RASSF1: variants seen among roughly 807,000 people sequenced by gnomAD.
RASSF1 encodes Ras association domain family member 1.
In RASSF1, 33 loss-of-function variants were observed where a neutral mutation model predicts 34.3. The ratio of observed to expected loss-of-function variants is 0.96; its 90% CI spans 0.73 to 1.29. The LOEUF is 1.29. RASSF1 is among the 50% of genes most tolerant of loss of function. The probability of loss-of-function intolerance (pLI) is 0.00; values close to 1 mark genes in which losing one functional copy is unlikely to be tolerated. For synonymous variants in RASSF1, 191 were observed against 195.0 expected, an observed-to-expected ratio of 0.98 and a Z score of 0.17; for missense variants, 445 against 471.8, an observed-to-expected ratio of 0.94 and a Z score of 0.53.
chr3:50,332,166 G>GT lies in RASSF1; in HGVS notation c.358-13_358-12insA, dbSNP rs755348490. 3.1e-6 allele frequency: 5 copies of GT among 1,612,946 alleles called. No homozygotes were observed. In the South Asian group the frequency reaches 5.5e-5, roughly 18 times the overall value. On this transcript the variant is annotated splice_polypyrimidine_tract_variant and intron_variant, in intron 2 of 5. Coordinates refer to ENST00000359365, the MANE Select transcript of RASSF1 (RefSeq NM_007182.5). ...TCCACAGGCTCGTCCTGCAAGATGG[G>GT]CCAGCATGGACACAGGGCCCTTGAG... is the stretch of plus-strand genomic sequence containing the variant.
At chr3:50,333,720 T>C (rs1466638044) in intron 2 of RASSF1, among the ~76,000 whole-genome samples, 1 of 152,192 alleles carries the variant, frequency 6.6e-6, no homozygotes, top group Admixed American at 6.5e-5. Context: ...CCTCAAGTGA[T>C]CCGCCTGCCT....
Position 50,337,716 on chromosome 3 carries a change from T to C in RASSF1, c.357+189A>G, listed in dbSNP as rs759963229. The C allele has an allele frequency of 4.1e-5, 34 of 832,566 alleles. No individual in the cohort carries two copies. The African/African-American group carries it at 4.2e-4, about 10-fold the overall frequency. The allele number at this position is 832,566 out of a possible 1,614,324, so 51.6% of individuals were successfully genotyped here. ...TGGGCCCGGGTCCGCTTGCAGCGGGTGGAGTACTTGCGGAGCCGGCAATCC... is the reference window on the plus strand; with the variant it reads ...TGGGCCCGGGTCCGCTTGCAGCGGGCGGAGTACTTGCGGAGCCGGCAATCC... On this transcript the variant is annotated intron_variant, in intron 2 of 5. Coordinates refer to ENST00000359365, the MANE Select transcript of RASSF1 (RefSeq NM_007182.5).
In RASSF1 at chr3:50,340,546, C is replaced by T; in HGVS notation, c.250+10G>A. On this transcript the variant is annotated intron_variant, in intron 1 of 5. Coordinates refer to ENST00000359365, the MANE Select transcript of RASSF1 (RefSeq NM_007182.5). ...TTCCGCTCTCGTAGGCGCGCGGGGC[C>T]ACTACTCACGCGCGCACTGCAGGCC... The T allele has an allele frequency of 2.7e-6, 4 of 1,495,984 alleles. No individual in the cohort carries two copies. Among genetic ancestry groups the T allele is most frequent in the Non-Finnish European group, 1.8e-6 (2 of 1,131,884 alleles). The allele number at this position is 1,495,984 out of a possible 1,614,324, so 92.7% of individuals were successfully genotyped here.
intron 2 of RASSF1, among the ~76,000 whole-genome samples, chr3:50,333,885 T>C (rs373618252): frequency 1.4e-3 from 211 of 152,304 alleles, no homozygotes; most frequent in East Asian, 8.3e-3. Flanking sequence ...GAACCGACTT[T>C]CTTCTCCCAG....
chr3:50,330,494 TCCACAGGCC>T lies in RASSF1; in HGVS notation c.*78_*86del. 3.3e-6 allele frequency: 5 copies of T among 1,534,290 alleles called. No homozygotes were observed. The highest frequency in any genetic ancestry group is 3.6e-6 in the Non-Finnish European group (4 of 1,121,614). On this transcript the variant is annotated 3_prime_UTR_variant, in exon 6 of 6. Coordinates refer to ENST00000359365, the MANE Select transcript of RASSF1 (RefSeq NM_007182.5). This position sits in a 1 kb window ranked among gnomAD's most constrained non-coding sequence, Gnocchi z 4.5. The stretch of plus-strand genomic sequence containing the variant: ...CAGGAGGGCCTCCATGCACACTCAT[TCCACAGGCC>T]CCACTGGCCCTGTCACACTCACACG...
Position 50,340,773 on chromosome 3 carries a change from C to T in RASSF1, c.33G>A (p.Arg11=). Residue 11 remains arginine (R), a synonymous_variant, in exon 1 of 6, where the codon CGG becomes CGA. Coordinates refer to ENST00000359365, the MANE Select transcript of RASSF1 (RefSeq NM_007182.5). ...CAGCGCGCCCAGCGGGTGCCAGCTC[C>T]CGCAGCTCAATGAGCTCAGGCTCCC... The part of the protein sequence containing the change: MSGEPELIEL[R]ELAPAGRAGK... 1 of 1,513,452 alleles carries T rather than the reference C, an allele frequency of 6.6e-7. No individual in the cohort carries two copies. The highest frequency in any genetic ancestry group is 1.2e-5 in the South Asian group (1 of 82,412). The allele number at this position is 1,513,452 out of a possible 1,614,324, so 93.8% of individuals were successfully genotyped here. A position where few individuals can be genotyped will look rare whatever the true frequency, so the allele number is the denominator to read the frequency against.
chr3:50,336,227 A>G (rs767940916), intron 2 of RASSF1: 1 of 152,206 alleles, frequency 6.6e-6, no homozygotes, highest in Non-Finnish European at 1.5e-5. Context: ...AGCACCACCC[A>G]TTTTGTAAGG....
rs200466395 is a variant in RASSF1 at position 50,337,908 on chromosome 3, G to A, written c.354C>T (p.Asn118=). 1 of 1,604,102 alleles carries A rather than the reference G, an allele frequency of 6.2e-7. No homozygotes were observed. Among genetic ancestry groups the A allele is most frequent in the Non-Finnish European group, 8.5e-7 (1 of 1,171,814 alleles). Residue 118 remains asparagine, a synonymous_variant, in exon 2 of 6, where the codon AAC becomes AAT. Coordinates refer to ENST00000359365, the MANE Select transcript of RASSF1 (RefSeq NM_007182.5). The part of the protein sequence containing the change: ...GWEPAVERDT[N]VDEPVEWETP... ...ACGCCCTCGGCCCCGCGCTCACCAC[G>A]TTCGTGTCCCGCTCCACCGCGGGTT...
At chr3:50,340,474 C>CTGCCG in intron 1 of RASSF1, 82 bp downstream of exon 1, 10 of 1,379,274 alleles carry the variant, frequency 7.3e-6, no homozygotes, top group Non-Finnish European at 2.8e-6. Context: ...CCGACCCCCT[C>CTGCCG]TGCCGCGACT....
intron 1 of RASSF1, among the ~76,000 whole-genome samples, chr3:50,340,297 T>C (rs1703315373): frequency 6.6e-6 from 1 of 152,210 alleles, no homozygotes; most frequent in African/African-American, 2.4e-5. Context: ...GGCCAAGGCA[T>C]TTTAAAGATA....
In RASSF1 at chr3:50,340,554, A is replaced by T. The variant is rs777907175; in HGVS notation, c.250+2T>A. On this transcript the variant is annotated splice_donor_variant, in intron 1 of 5. Coordinates refer to ENST00000359365, the MANE Select transcript of RASSF1 (RefSeq NM_007182.5). LOFTEE classifies it high-confidence loss of function. Reference sequence around the variant, plus strand: ...TCGTAGGCGCGCGGGGCCACTACTCACGCGCGCACTGCAGGCCTTTGCGCA... The same window carrying T: ...TCGTAGGCGCGCGGGGCCACTACTCTCGCGCGCACTGCAGGCCTTTGCGCA... 43 of 1,516,050 alleles carry T rather than the reference A, an allele frequency of 2.8e-5. No individual in the cohort carries two copies. The East Asian group carries it at 9.3e-4, about 33-fold the overall frequency. 93.9% of individuals were successfully genotyped at this position (1,516,050 alleles called of 1,614,324 possible). A position where few individuals can be genotyped will look rare whatever the true frequency, so the allele number is the denominator to read the frequency against.
At position 50,340,624 on chromosome 3, in the gene RASSF1, G is replaced by C. The variant is rs766813648; in HGVS notation, c.182C>G (p.Thr61Arg). 2 of 1,532,778 alleles carry C rather than the reference G, an allele frequency of 1.3e-6. No homozygotes were observed. The highest frequency in any genetic ancestry group is 8.7e-7 in the Non-Finnish European group (1 of 1,149,888). The allele number at this position is 1,532,778 out of a possible 1,614,324, so 94.9% of individuals were successfully genotyped here. A position where few individuals can be genotyped will look rare whatever the true frequency, so the allele number is the denominator to read the frequency against. Residue 61 changes from threonine to arginine, a missense_variant, in exon 1 of 6, where the codon ACG becomes AGG. Physicochemically the swap from Thr to Arg is moderately conservative, Grantham distance 71 (BLOSUM62 -1). Coordinates refer to ENST00000359365, the MANE Select transcript of RASSF1 (RefSeq NM_007182.5). Reference sequence around the variant, plus strand: ...GCCACAGAGGTCGCACCACGTGTGCGTGGCGGGCCCCGCGGGCTGGAAGCG... The same window carrying C: ...GCCACAGAGGTCGCACCACGTGTGCCTGGCGGGCCCCGCGGGCTGGAAGCG... ...GHRFQPAGPATHTWCDLCGDF... is the reference protein window; with the variant it reads ...GHRFQPAGPARHTWCDLCGDF...
At chr3:50,333,422 G>T (rs149497566) in intron 2 of RASSF1, among the ~76,000 whole-genome samples, 80 of 152,330 alleles carry the variant, frequency 5.3e-4, no homozygotes, top group African/African-American at 1.9e-3. Context: ...GAGGTACACA[G>T]GCAGCTTCCT....
chr3:50,332,887 G>C (rs1189170794), intron 2 of RASSF1, among the ~76,000 whole-genome samples: 1 of 152,114 alleles, frequency 6.6e-6, no homozygotes, highest in Non-Finnish European at 1.5e-5. Context: ...CTGAGGTCAG[G>C]AGTTTGAGAC....
In RASSF1 at chr3:50,331,589, G is replaced by A. The variant is rs762740435; in HGVS notation, c.730C>T (p.Leu244Phe). 3.1e-6 allele frequency: 5 copies of A among 1,601,032 alleles called. No individual in the cohort carries two copies. The highest frequency in any genetic ancestry group is 4.3e-6 in the Non-Finnish European group (5 of 1,169,334). ...CCGTGACGCTCAGCGCGCTCAAAGA[G>A]TGCAAACTTGCGGGGGTCATCCACC... ...LVVDDPRKFA[L>F]FERAERHGQV... is the part of the protein sequence containing the mutation. Residue 244 changes from leucine to phenylalanine, a missense_variant, in exon 4 of 6, where the codon CTC (leucine) becomes TTC (phenylalanine). Transcript: ENST00000359365.
chr3:50,340,078 CA>C (rs2109351741), intron 1 of RASSF1, among the ~76,000 whole-genome samples: 1 of 152,298 alleles, frequency 6.6e-6, no homozygotes, highest in South Asian at 2.1e-4. Flanking sequence ...TTCACTGGGT[CA>C]GAAAAGGGTG....
At chr3:50,338,193 C>T (rs1703235005) in intron 1 of RASSF1, 182 bp from the exon 2 acceptor site, 1 of 1,412,538 alleles carries the variant, frequency 7.1e-7, no homozygotes, top group Non-Finnish European at 9.2e-7. Context: ...GTCTGGAAAC[C>T]GGCCGGAAGG....
chr3:50,334,075 C>T (rs1703040954), intron 2 of RASSF1, among the ~76,000 whole-genome samples: 1 of 152,210 alleles, frequency 6.6e-6, no homozygotes, highest in Non-Finnish European at 1.5e-5. Flanking sequence ...CCAGGGTTCT[C>T]CCTGACTCCG....
rs778017552 is a variant in RASSF1, at chr3:50,337,956, G to T, written c.306C>A (p.Cys102Ter). The T allele has an allele frequency of 1.2e-6, 2 of 1,611,050 alleles. No individual in the cohort carries two copies. The highest frequency in any genetic ancestry group is 1.7e-5 in the Admixed American group (1 of 59,730). ...RCRALVCLDC[C>*]GPRDLGWEPA... ...GTTCCCAGCCCAGGTCCCGGGGCCC[G>T]CAACAGTCCAGGCAGACGAGCGCGC... Residue 102 changes from cysteine to a stop codon, truncating the protein, a stop_gained, in exon 2 of 6, where the codon TGC becomes TGA. Transcript: ENST00000359365. LOFTEE classifies it high-confidence loss of function.
Sources: gnomAD v4.1 joint callset for allele counts (sites outside exome capture counted in the v4.1 genomes callset) on GRCh38, gnomAD v4.1.1 for gene constraint, Gnocchi (gnomAD v3.1) non-coding constraint, MANE v1.5 for transcripts, NCBI Gene and HGNC (gene_info 2026-07-23, HGNC 2026-07-21) for gene names.